DLC1: variants seen among roughly 807,000 people sequenced by gnomAD.
DLC1 encodes the protein DLC1 Rho GTPase activating protein, also known as rho GTPase-activating protein 7.
DLC1 carries 54 observed loss-of-function variants against 140.3 expected under a neutral mutation model. The ratio of observed to expected loss-of-function variants is 0.38; its 90% CI spans 0.31 to 0.48. The LOEUF is 0.48. Ranked by LOEUF, DLC1 falls within the 20% of genes least tolerant of loss-of-function variation. DLC1 has a pLI of 0.96. For synonymous variants in DLC1, 986 were observed against 728.1 expected, an observed-to-expected ratio of 1.35 and a Z score of -5.70; for missense variants, 2,536 against 1,907.0, an observed-to-expected ratio of 1.33 and a Z score of -6.14.
intron 8 of DLC1, 84 bp from the exon 9 acceptor site, chr8:13,100,854 A>ATC (rs1290898944): frequency 7.3e-7 from 1 of 1,368,948 alleles, no homozygotes; most frequent in Non-Finnish European, 9.7e-7. Context: ...TGCTCATAAT[A>ATC]TGCCAGTAGT....
intron 5 of DLC1, among the ~76,000 whole-genome samples, chr8:13,137,983 T>C (rs937626668): frequency 6.6e-6 from 1 of 152,168 alleles, no homozygotes; most frequent in Non-Finnish European, 1.5e-5. Context: ...GGTATTAGCA[T>C]GGAAAGAAAG....
intron 4 of DLC1, among the ~76,000 whole-genome samples, chr8:13,380,242 C>T (rs920224830): frequency 6.6e-6 from 1 of 152,180 alleles, no homozygotes; most frequent in Non-Finnish European, 1.5e-5. Flanking sequence ...CTGATAAACA[C>T]TTATATGTTA....
At chr8:13,086,016 C>A in intron 17 of DLC1, 85 bp from the exon 18 acceptor site, 2 of 1,554,848 alleles carry the variant, frequency 1.3e-6, no homozygotes, top group South Asian at 2.4e-5. Flanking sequence ...TTTGCTAGTT[C>A]AAATGCATAA....
At chr8:13,102,949 T>A in intron 7 of DLC1, 96 bp from the exon 8 acceptor site, 1 of 1,087,010 alleles carries the variant, frequency 9.2e-7, no homozygotes, top group African/African-American at 1.6e-5. Context: ...ATTTAAGGAG[T>A]TTCTTGAAAC....
At chr8:13,443,516 G>A (rs554648956) in intron 2 of DLC1, among the ~76,000 whole-genome samples, 3 of 151,556 alleles carry the variant, frequency 2.0e-5, no homozygotes, top group East Asian at 2.0e-4. Context: ...AAAATTAGCC[G>A]GGCATGGTGG....
intron 2 of DLC1, among the ~76,000 whole-genome samples, chr8:13,453,189 A>T (rs1456207334): frequency 6.7e-6 from 1 of 149,588 alleles, no homozygotes; most frequent in South Asian, 2.1e-4. Flanking sequence ...AAATTCTAAA[A>T]ATATATATTT....
At chr8:13,122,692 T>A (rs1179476570) in intron 5 of DLC1, among the ~76,000 whole-genome samples, 1 of 151,964 alleles carries the variant, frequency 6.6e-6, no homozygotes, top group Non-Finnish European at 1.5e-5. Flanking sequence ...ATATTAATAT[T>A]TATTAAACTC....
intron 4 of DLC1, among the ~76,000 whole-genome samples, chr8:13,381,231 G>A (rs1293209788): frequency 2.6e-5 from 4 of 152,210 alleles, no homozygotes; most frequent in Non-Finnish European, 1.5e-5. Flanking sequence ...CATCGTGTAA[G>A]GGCCTGTCCC....
chr8:13,426,511 A>G (rs1838588773), intron 2 of DLC1, among the ~76,000 whole-genome samples: 1 of 152,158 alleles, frequency 6.6e-6, no homozygotes, highest in Non-Finnish European at 1.5e-5. Flanking sequence ...CTCTAAATTC[A>G]AATGAACCTC....
intron 1 of DLC1, chr8:13,558,679 A>T (rs1204624815): frequency 6.6e-6 from 1 of 152,194 alleles, no homozygotes; most frequent in African/African-American, 2.4e-5. Context: ...ATATGTTTAA[A>T]TATAACAAAT....
intron 6 of DLC1, among the ~76,000 whole-genome samples, chr8:13,114,599 C>A (rs1820387192): frequency 6.6e-6 from 1 of 151,960 alleles, no homozygotes; most frequent in African/African-American, 2.4e-5. Context: ...AAAAGACAAC[C>A]TAGAGAAAAG....
chr8:13,503,408 A>C (rs750682231), intron 1 of DLC1, among the ~76,000 whole-genome samples: 4 of 152,110 alleles, frequency 2.6e-5, no homozygotes, highest in Non-Finnish European at 5.9e-5. Context: ...AATAATAATA[A>C]ATTAAACAAA....
intron 5 of DLC1, among the ~76,000 whole-genome samples, chr8:13,200,398 G>A (rs902005523): frequency 1.3e-5 from 2 of 152,000 alleles, no homozygotes; most frequent in Non-Finnish European, 2.9e-5. Context: ...TTACAGGTAT[G>A]GAAATTGAGG....
chr8:13,094,802 T>C lies in DLC1; in HGVS notation c.3483A>G (p.Leu1161=), dbSNP rs1818369502. The C allele has an allele frequency of 6.2e-7, 1 of 1,614,218 alleles. No individual in the cohort carries two copies. Among genetic ancestry groups the C allele is most frequent in the African/African-American group, 1.3e-5 (1 of 75,062 alleles). ...KQYFRDLPEP[L]MTNKLSETFL... is the part of the protein sequence containing the mutation. ...AGGTTTCCGAGAGTTTGTTCGTCATTAGTGGCTCAGGAAGATCTCGAAAAT... is the reference window on the plus strand; with the variant it reads ...AGGTTTCCGAGAGTTTGTTCGTCATCAGTGGCTCAGGAAGATCTCGAAAAT... The change falls in exon 12 of 18, where the codon CTA becomes CTG. Residue 1161 remains leucine (L), a synonymous_variant. Transcript: ENST00000276297.
rs1310246926 is a variant in DLC1, at chr8:13,513,483, C to G, written c.-126+1119G>C. Among the ~76,000 whole-genome samples, 2 of 151,952 alleles carry G rather than the reference C, an allele frequency of 1.3e-5. 1 individual carries two copies. The highest frequency in any genetic ancestry group is 4.8e-5 in the African/African-American group (2 of 41,384). ...ACTATATAAAAACTTATAATGAAAA[C>G]AGTTACTTCATTTCTTATGATCCAA... On this transcript the variant is annotated intron_variant, in intron 1 of 17. Transcript: ENST00000276297.
At position 13,092,871 on chromosome 8, in the gene DLC1, G is replaced by A. The variant is rs946123298; in HGVS notation, c.3527-46C>T. On this transcript the variant is annotated intron_variant, in intron 12 of 17. Coordinates refer to ENST00000276297, the MANE Select transcript of DLC1 (RefSeq NM_182643.3). ...CTCCATCAGCTTGGTGAATTTGCATGGACATTGCAAGGAAATGTCCCAGAG... is the reference window on the plus strand; with the variant it reads ...CTCCATCAGCTTGGTGAATTTGCATAGACATTGCAAGGAAATGTCCCAGAG... 6.3e-6 allele frequency: 10 copies of A among 1,575,414 alleles called. No individual in the cohort carries two copies. The African/African-American group carries it at 9.5e-5, about 15-fold the overall frequency.
intron 4 of DLC1, among the ~76,000 whole-genome samples, chr8:13,322,319 T>C: frequency 6.6e-6 from 1 of 152,192 alleles, no homozygotes; most frequent in East Asian, 1.9e-4. Flanking sequence ...TTAATTGTTT[T>C]AGTTACTTGT....
At chr8:13,334,520 C>G (rs1833740206) in intron 4 of DLC1, among the ~76,000 whole-genome samples, 1 of 152,064 alleles carries the variant, frequency 6.6e-6, no homozygotes, top group African/African-American at 2.4e-5. Context: ...GGCAGGAGAC[C>G]AGCTAGGAAA....
chr8:13,421,097 T>C (rs908453638), intron 2 of DLC1, among the ~76,000 whole-genome samples: 4 of 152,200 alleles, frequency 2.6e-5, no homozygotes, highest in Admixed American at 6.6e-5. Context: ...CGTTAATCTT[T>C]TCTTAACCAT....
Sources: allele counts gnomAD v4.1 joint callset (sites outside exome capture counted in the v4.1 genomes callset), GRCh38; gene constraint gnomAD v4.1.1; transcripts MANE v1.5; gene names NCBI Gene and HGNC (gene_info 2026-07-23, HGNC 2026-07-21).